TRPC6: variants seen among roughly 807,000 people sequenced by gnomAD.
TRPC6 encodes short transient receptor potential channel 6.
Under a neutral mutation model 90.7 loss-of-function variants are expected in TRPC6, and 55 were observed. The ratio of observed to expected loss-of-function variants is 0.61; its 90% confidence interval spans 0.49 to 0.76. The LOEUF (loss-of-function observed/expected upper bound fraction) is 0.76, where lower values mean the gene tolerates loss of function less well. TRPC6 is among the 30% of genes least tolerant of loss of function. The pLI is 0.00. For missense variants in TRPC6, 989 were observed against 1,122.7 expected (o/e 0.88, Z 1.70); for synonymous variants, 393 against 393.0 (o/e 1.00, Z 0.00).
chr11:101,560,652 TAA>T (rs143229500), intron 1 of TRPC6, among the ~76,000 whole-genome samples: 9 of 149,966 alleles, frequency 6.0e-5, no homozygotes, highest in Admixed American at 3.3e-4. Flanking sequence ...ACAGTGTGAT[TAA>T]AAAAAAAATA....
chr11:101,542,893 T>C (rs1410723473), intron 1 of TRPC6, among the ~76,000 whole-genome samples: 1 of 152,114 alleles, frequency 6.6e-6, no homozygotes, highest in Non-Finnish European at 1.5e-5. Flanking sequence ...AAAGGTTTCA[T>C]AGATAGGATA....
At chr11:101,511,885 T>C (rs1183945505) in intron 1 of TRPC6, among the ~76,000 whole-genome samples, 2 of 151,790 alleles carry the variant, frequency 1.3e-5, no homozygotes, top group Non-Finnish European at 2.9e-5. Flanking sequence ...CCCAGCTACT[T>C]GGGAGGCTGA....
In TRPC6 at chr11:101,489,001, A is replaced by AT; in HGVS notation, c.1228_1229insA (p.Val410AspfsTer54). On this transcript the variant is annotated frameshift_variant, in exon 4 of 13. Transcript: ENST00000344327. LOFTEE classifies it high-confidence loss of function. ...GGGCAGTCCAATGGCAACAGCAAGG[A>AT]CCACAAGGAACTTGACCGCCATTGT... 6.2e-7 allele frequency: 1 copy of AT among 1,614,226 alleles called. No homozygotes were observed.
rs562110579 is a variant in TRPC6, at chr11:101,453,592, G to A, written c.2644+58C>T. On this transcript the variant is annotated intron_variant, in intron 12 of 12. Coordinates refer to ENST00000344327, the MANE Select transcript of TRPC6 (RefSeq NM_004621.6). Reference sequence around the variant, plus strand: ...CTCTGCAGCTCTCCAGGCACTCTGCGCTAGGCCCCCGTCCTGACTCACATT... The same window carrying A: ...CTCTGCAGCTCTCCAGGCACTCTGCACTAGGCCCCCGTCCTGACTCACATT... The A allele has an allele frequency of 1.3e-4, 197 of 1,520,174 alleles. No homozygotes were observed. The South Asian group carries it at 2.0e-3, about 15-fold the overall frequency. 94.2% of individuals were successfully genotyped at this position (1,520,174 alleles called of 1,614,324 possible). A position where few individuals can be genotyped will look rare whatever the true frequency, so the allele number is the denominator to read the frequency against.
At position 101,546,114 on chromosome 11, in the gene TRPC6, G is replaced by T. The variant is rs1158001877; in HGVS notation, c.170+37220C>A. Among the ~76,000 whole-genome samples, 2 of 93,286 alleles carry T rather than the reference G, an allele frequency of 2.1e-5. 1 individual carries two copies. Among genetic ancestry groups the T allele is most frequent in the Non-Finnish European group, 4.1e-5 (2 of 49,194 alleles). The allele number at this position is 93,286 out of a possible 152,430, so 61.2% of individuals were successfully genotyped here. ...GAGTCTCGCTCTGTCGCCCAGGCCG[G>T]ACTGCGGACTGCAGTGGCGCAATCT... On this transcript the variant is annotated intron_variant, in intron 1 of 12. Transcript: ENST00000344327.
At chr11:101,511,976 G>C (rs976021210) in intron 1 of TRPC6, among the ~76,000 whole-genome samples, 5 of 152,066 alleles carry the variant, frequency 3.3e-5, no homozygotes, top group African/African-American at 1.2e-4. Context: ...CTGGGCGACA[G>C]AGCAAGACTC....
chr11:101,491,851 T>A, intron 2 of TRPC6, 113 bp from the exon 3 acceptor site: 1 of 1,147,740 alleles, frequency 8.7e-7, no homozygotes, highest in South Asian at 1.6e-5. Flanking sequence ...TTTTTTTTTT[T>A]TTTTTTTGAG....
chr11:101,583,430 C>A lies in TRPC6; in HGVS notation c.74G>T (p.Arg25Leu). The A allele has an allele frequency of 1.3e-6, 2 of 1,554,912 alleles. No individual in the cohort carries two copies. The highest frequency in any genetic ancestry group is 1.2e-5 in the South Asian group (1 of 84,514). ...GAGCAGATAGTCCTGGCTCTCGTTGCGCCGCGCAGCGGCTCCGGCAGCGCC... is the reference window on the plus strand; with the variant it reads ...GAGCAGATAGTCCTGGCTCTCGTTGAGCCGCGCAGCGGCTCCGGCAGCGCC... The part of the protein sequence containing the change: ...PRGAAGAAAR[R>L]NESQDYLLMD... Residue 25 changes from arginine (R) to leucine (L), a missense_variant, in exon 1 of 13, where the codon CGC (arginine) becomes CTC (leucine). Coordinates refer to ENST00000344327, the MANE Select transcript of TRPC6 (RefSeq NM_004621.6).
intron 1 of TRPC6, among the ~76,000 whole-genome samples, chr11:101,513,915 G>T (rs963298412): frequency 6.6e-6 from 1 of 152,094 alleles, no homozygotes; most frequent in Non-Finnish European, 1.5e-5. Flanking sequence ...TTTGATAATA[G>T]GTCTGGAACA....
intron 1 of TRPC6, among the ~76,000 whole-genome samples, chr11:101,511,002 G>T (rs1860381978): frequency 6.6e-6 from 1 of 152,188 alleles, no homozygotes; most frequent in African/African-American, 2.4e-5. Context: ...TAAATGGAAT[G>T]TAACTATTCC....
At chr11:101,573,137 G>A (rs1862000400) in intron 1 of TRPC6, among the ~76,000 whole-genome samples, 1 of 147,392 alleles carries the variant, frequency 6.8e-6, no homozygotes, top group Non-Finnish European at 1.5e-5. Flanking sequence ...GACGTCCATA[G>A]AGGAAAGAAT....
chr11:101,478,014 A>G (rs554231264), intron 5 of TRPC6, among the ~76,000 whole-genome samples: 19 of 152,332 alleles, frequency 1.2e-4, no homozygotes, highest in South Asian at 8.3e-4. Context: ...GCCTCCATCA[A>G]GAAGTCCTTC....
intron 1 of TRPC6, among the ~76,000 whole-genome samples, chr11:101,575,075 AC>A (rs778794641): frequency 7.2e-5 from 11 of 152,138 alleles, no homozygotes; most frequent in Admixed American, 3.3e-4. Flanking sequence ...ATATTTTTAG[AC>A]GAATACCATG....
Position 101,469,407 on chromosome 11 carries a change from A to AT in TRPC6, c.2484+19dup, listed in dbSNP as rs1859232232. ...AGCCCGATCATGTGCATGACTTCAT[A>AT]TTTTCAAATATGAGCTTACCTGTTT... On this transcript the variant is annotated intron_variant, in intron 10 of 12. Transcript: ENST00000344327. The AT allele has an allele frequency of 1.3e-6, 1 of 761,764 alleles. No homozygotes were observed. The highest frequency in any genetic ancestry group is 2.3e-4 in the Middle Eastern group (1 of 4,404). The allele number at this position is 761,764 out of a possible 1,614,324, so 47.2% of individuals were successfully genotyped here. A position where few individuals can be genotyped will look rare whatever the true frequency, so the allele number is the denominator to read the frequency against.
At chr11:101,482,807 A>T in intron 5 of TRPC6, 142 bp downstream of exon 5, 1 of 886,104 alleles carries the variant, frequency 1.1e-6, no homozygotes, top group Non-Finnish European at 1.8e-6. Flanking sequence ...ACTGTACTTT[A>T]GGAACACAAA....
intron 1 of TRPC6, among the ~76,000 whole-genome samples, chr11:101,521,001 GA>G (rs1451754053): frequency 6.6e-6 from 1 of 152,178 alleles, no homozygotes; most frequent in Non-Finnish European, 1.5e-5. Context: ...TAAAACTTTG[GA>G]AAATTTGCAG....
Position 101,504,668 on chromosome 11 carries a change from G to A in TRPC6, c.301C>T (p.Arg101Cys), listed in dbSNP as rs201977212. The change falls in exon 2 of 13, where the codon CGC becomes TGC. Residue 101 changes from arginine to cysteine, a missense_variant. By Grantham distance (180) the Arg-to-Cys change is radical. Transcript: ENST00000344327. The part of the protein sequence containing the change: ...RSTSLSIEEE[R>C]FLDAAEYGNI... ...CCATATTCAGCTGCATCCAAAAAGC[G>A]TTCCTCCTCTATAGATAGGCTTGTG... The A allele has an allele frequency of 9.4e-6, 15 of 1,604,122 alleles. No individual in the cohort carries two copies. The highest frequency in any genetic ancestry group is 4.5e-5 in the East Asian group (2 of 44,766).
chr11:101,558,208 T>TAC (rs1193767184), intron 1 of TRPC6, among the ~76,000 whole-genome samples: 1 of 116,746 alleles, frequency 8.6e-6, no homozygotes, highest in Non-Finnish European at 1.7e-5. Context: ...TGTGTGTGTA[T>TAC]ACATGTATAT....
intron 5 of TRPC6, among the ~76,000 whole-genome samples, chr11:101,478,554 TGAAGCTTAA>T (rs1859468779): frequency 1.3e-5 from 2 of 152,156 alleles, no homozygotes; most frequent in Non-Finnish European, 2.9e-5. Flanking sequence ...GATGTCTTCC[TGAAGCTTAA>T]AAACTAAAAC....
Sources: allele counts gnomAD v4.1 joint callset (sites outside exome capture counted in the v4.1 genomes callset), GRCh38; gene constraint gnomAD v4.1.1; transcripts MANE v1.5; gene names NCBI Gene and HGNC (gene_info 2026-07-23, HGNC 2026-07-21).